Variants in TRHR observed in about 807,000 individuals in gnomAD.
TRHR encodes the protein thyrotropin releasing hormone receptor.
In TRHR, 14 loss-of-function variants were observed where a neutral mutation model predicts 28.0. The observed-to-expected ratio is 0.50, with a 90% CI of 0.33 to 0.78. TRHR has a LOEUF of 0.78. Ranked by LOEUF, TRHR falls within the 30% of genes least tolerant of loss-of-function variation. TRHR has a pLI of 0.02. For missense variants in TRHR, 438 were observed against 469.5 expected, an observed-to-expected ratio of 0.93 and a Z score of 0.62; for synonymous variants, 176 against 171.9, an observed-to-expected ratio of 1.02 and a Z score of -0.18.
chr8:109,097,747 C>G (rs1347495206), intron 2 of TRHR, among the ~76,000 whole-genome samples: 1 of 152,172 alleles, frequency 6.6e-6, no homozygotes, highest in Non-Finnish European at 1.5e-5. Context: ...AGCCCAAGAC[C>G]ACCACCAACA....
chr8:109,106,503 T>G (rs1811754294), intron 2 of TRHR, among the ~76,000 whole-genome samples: 1 of 152,164 alleles, frequency 6.6e-6, no homozygotes, highest in Admixed American at 6.6e-5. Flanking sequence ...AGCCAATAAT[T>G]CTTTATTTCT....
chr8:109,102,766 T>A (rs1466283801), intron 2 of TRHR, among the ~76,000 whole-genome samples: 11 of 152,226 alleles, frequency 7.2e-5, no homozygotes, highest in African/African-American at 1.4e-4. Flanking sequence ...TTCATTTTTT[T>A]AAAAATAAAT....
intron 2 of TRHR, among the ~76,000 whole-genome samples, chr8:109,101,164 T>C (rs568930923): frequency 6.6e-6 from 1 of 152,192 alleles, no homozygotes; most frequent in Non-Finnish European, 1.5e-5. Context: ...TCAAAGCCAT[T>C]AGGAGAGGAC....
At chr8:109,093,164 T>C (rs989800209) in intron 2 of TRHR, among the ~76,000 whole-genome samples, 1 of 152,056 alleles carries the variant, frequency 6.6e-6, no homozygotes, top group African/African-American at 2.4e-5. Flanking sequence ...ATATGAGATA[T>C]ATCAGAAAAA....
chr8:109,094,662 G>A (rs1308731869), intron 2 of TRHR, among the ~76,000 whole-genome samples: 1 of 151,244 alleles, frequency 6.6e-6, no homozygotes, highest in African/African-American at 2.4e-5. Flanking sequence ...TGTTTTGTGT[G>A]CTTTTAGATA....
chr8:109,103,196 T>G (rs936346673), intron 2 of TRHR, among the ~76,000 whole-genome samples: 1 of 152,162 alleles, frequency 6.6e-6, no homozygotes, highest in Non-Finnish European at 1.5e-5. Context: ...AATAACTCTG[T>G]TCTCACATCT....
At chr8:109,111,509 G>A (rs1329915714) in intron 2 of TRHR, among the ~76,000 whole-genome samples, 2 of 152,070 alleles carry the variant, frequency 1.3e-5, no homozygotes, top group Non-Finnish European at 2.9e-5. Flanking sequence ...AAGACTAAAT[G>A]TTTTGTATTC....
intron 2 of TRHR, among the ~76,000 whole-genome samples, chr8:109,105,142 A>G (rs1260139265): frequency 1.3e-5 from 2 of 152,122 alleles, no homozygotes; most frequent in Admixed American, 6.6e-5. Flanking sequence ...TCTCATTTGT[A>G]TCTATGACAT....
intron 2 of TRHR, among the ~76,000 whole-genome samples, chr8:109,117,224 G>A (rs936493175): frequency 1.1e-4 from 16 of 151,890 alleles, no homozygotes; most frequent in Non-Finnish European, 1.3e-4. Flanking sequence ...AAACATTCAT[G>A]GAAAGGGCAA....
intron 2 of TRHR, among the ~76,000 whole-genome samples, chr8:109,116,672 G>T (rs1811927203): frequency 1.3e-5 from 2 of 151,790 alleles, no homozygotes; most frequent in Admixed American, 6.6e-5. Flanking sequence ...TTTTTATTGT[G>T]TCTATTTCAT....
chr8:109,115,308 G>T (rs1265693059), intron 2 of TRHR, among the ~76,000 whole-genome samples: 3 of 151,976 alleles, frequency 2.0e-5, no homozygotes, highest in Non-Finnish European at 4.4e-5. Context: ...GCTCTTTTTT[G>T]GTTCCATGTG....
intron 2 of TRHR, among the ~76,000 whole-genome samples, chr8:109,102,658 A>G (rs1811694274): frequency 6.6e-6 from 1 of 152,108 alleles, no homozygotes; most frequent in Non-Finnish European, 1.5e-5. Context: ...ATGGAAAGTC[A>G]TTGATTGAGA....
At chr8:109,114,254 C>G (rs1811884443) in intron 2 of TRHR, among the ~76,000 whole-genome samples, 1 of 152,020 alleles carries the variant, frequency 6.6e-6, no homozygotes, top group Admixed American at 6.6e-5. Context: ...TCTCACCTAC[C>G]CTTTTCCTCA....
chr8:109,092,593 C>T (rs923560846), intron 2 of TRHR, among the ~76,000 whole-genome samples: 4 of 151,924 alleles, frequency 2.6e-5, no homozygotes, highest in Non-Finnish European at 5.9e-5. Context: ...TGCGCCAACA[C>T]ACCTGGCTAA....
At chr8:109,102,512 T>C (rs1811692664) in intron 2 of TRHR, among the ~76,000 whole-genome samples, 1 of 152,000 alleles carries the variant, frequency 6.6e-6, no homozygotes, top group South Asian at 2.1e-4. Context: ...AATAGATAAA[T>C]GAGTGAATTA....
At chr8:109,098,923 TTC>T (rs150270530) in intron 2 of TRHR, among the ~76,000 whole-genome samples, 5,817 of 152,228 alleles carry the variant, frequency 0.038, 120 homozygotes, top group Middle Eastern at 0.068. Flanking sequence ...AAATGCCCCT[TTC>T]TCTCAGCGGA....
Position 109,119,407 on chromosome 8 carries a change from T to C in TRHR, c.1149T>C (p.Ser383=), listed in dbSNP as rs5776. ...CTTACCTGTCTGCCACAAAAGTGTC[T>C]TTTGATGACACCTGCTTGGCTTCTG... ...TDTYLSATKV[S]FDDTCLASEV... is the part of the protein sequence containing the mutation. The change falls in exon 3 of 3, where the codon TCT becomes TCC. Residue 383 remains serine (S), a synonymous_variant. Coordinates refer to ENST00000518632, the MANE Select transcript of TRHR (RefSeq NM_003301.7). The C allele has an allele frequency of 6.6e-4, 1,065 of 1,612,420 alleles. 7 individuals carry two copies. The African/African-American group carries it at 0.011, about 16-fold the overall frequency.
Position 109,087,936 on chromosome 8 carries a change from G to T in TRHR, c.424G>T (p.Ala142Ser). The change falls in exon 2 of 3, where the codon GCC (alanine) becomes TCC (serine). Residue 142 changes from alanine to serine, a missense_variant. Physicochemically the swap from Ala to Ser is moderately conservative, Grantham distance 99. Transcript: ENST00000518632. ...KAQFLCTFSRAKKIIIFVWAF... is the reference protein window; with the variant it reads ...KAQFLCTFSRSKKIIIFVWAF... ...CCAGTTTCTCTGCACATTTTCCAGA[G>T]CCAAAAAGATTATCATCTTTGTCTG... 1 of 1,614,096 alleles carries T rather than the reference G, an allele frequency of 6.2e-7. No individual in the cohort carries two copies. The highest frequency in any genetic ancestry group is 2.2e-5 in the East Asian group (1 of 44,880).
At chr8:109,112,408 C>A (rs1219410835) in intron 2 of TRHR, among the ~76,000 whole-genome samples, 2 of 152,166 alleles carry the variant, frequency 1.3e-5, no homozygotes, top group Admixed American at 6.6e-5. Flanking sequence ...TCCCCAGATA[C>A]TATGTAACCA....
Sources: gnomAD v4.1 joint callset for allele counts (sites outside exome capture counted in the v4.1 genomes callset) on GRCh38, gnomAD v4.1.1 for gene constraint, MANE v1.5 for transcripts, NCBI Gene and HGNC (gene_info 2026-07-23, HGNC 2026-07-21) for gene names.